The following PTPRC variants were observed in gnomAD, a reference collection of about 807,000 sequenced individuals.
PTPRC encodes protein tyrosine phosphatase receptor type C.
Under a neutral mutation model 155.9 loss-of-function variants are expected in PTPRC, and 44 were observed. The observed-to-expected ratio is 0.28, with a 90% CI of 0.22 to 0.36. PTPRC has a LOEUF of 0.36. PTPRC is among the 10% of genes least tolerant of loss of function. PTPRC has a pLI of 1.00. For missense variants in PTPRC, 1,401 were observed against 1,564.6 expected (o/e 0.90, Z 1.76); for synonymous variants, 525 against 533.1 (o/e 0.98, Z 0.21).
intron 26 of PTPRC, among the ~76,000 whole-genome samples, chr1:198,747,398 A>ACTT (rs1184471098): frequency 6.6e-6 from 1 of 151,796 alleles, no homozygotes; most frequent in Non-Finnish European, 1.5e-5. Context: ...ATCAATAAAG[A>ACTT]CTTTTTATGC....
chr1:198,701,738 T>C (rs143565562), intron 5 of PTPRC, among the ~76,000 whole-genome samples: 2 of 152,316 alleles, frequency 1.3e-5, no homozygotes, highest in East Asian at 3.9e-4. Context: ...ATGTGGAGTT[T>C]GTTGGATTTC....
chr1:198,696,620 G>C (rs565274814), intron 3 of PTPRC, 92 bp from the exon 4 acceptor site: 1 of 1,015,112 alleles, frequency 9.9e-7, no homozygotes, highest in African/African-American at 1.6e-5. Flanking sequence ...CACTATAGTG[G>C]ACTGGGGAGT....
At position 198,735,267 on chromosome 1, in the gene PTPRC, T is replaced by C. The variant is rs980572524; in HGVS notation, c.2403+15T>C. 8.8e-6 allele frequency: 14 copies of C among 1,587,218 alleles called. No individual in the cohort carries two copies. Among genetic ancestry groups the C allele is most frequent in the Non-Finnish European group, 1.2e-5 (14 of 1,162,988 alleles). Reference sequence around the variant, plus strand: ...ACATTGTAAATGTGAGTTTGCTTTTTACATAATTTTTGTTTTGATACTTTT... The same window carrying C: ...ACATTGTAAATGTGAGTTTGCTTTTCACATAATTTTTGTTTTGATACTTTT... On this transcript the variant is annotated intron_variant, in intron 23 of 32. Transcript: ENST00000442510.
At chr1:198,699,259 G>A (rs1666349421) in intron 4 of PTPRC, among the ~76,000 whole-genome samples, 6 of 152,122 alleles carry the variant, frequency 3.9e-5, no homozygotes, top group African/African-American at 1.4e-4. Flanking sequence ...CTGTCAGTTT[G>A]TAGAGTTGAT....
intron 15 of PTPRC, among the ~76,000 whole-genome samples, chr1:198,723,078 C>A (rs955054099): frequency 6.7e-6 from 1 of 149,968 alleles, no homozygotes; most frequent in Non-Finnish European, 1.5e-5. Context: ...CACTTTTAAC[C>A]ATTTCTATTT....
chr1:198,694,650 A>T, intron 3 of PTPRC: 1 of 984,018 alleles, frequency 1.0e-6, no homozygotes, highest in Non-Finnish European at 1.2e-6. Flanking sequence ...CAAATTAATA[A>T]TTATCAAGTC....
rs768913853 is a variant in PTPRC at position 198,750,586 on chromosome 1, A to C, written c.3167A>C (p.Lys1056Thr). The C allele has an allele frequency of 6.2e-7, 1 of 1,612,792 alleles. No individual in the cohort carries two copies. Among genetic ancestry groups the C allele is most frequent in the Non-Finnish European group, 8.5e-7 (1 of 1,179,148 alleles). The change falls in exon 29 of 33, where the codon AAA becomes ACA. Residue 1056 changes from lysine (K) to threonine (T), a missense_variant. Physicochemically the swap from Lys to Thr is moderately conservative, Grantham distance 78. Transcript: ENST00000442510. ...CAGATGATCTTCCAAAGAAAAGTCA[A>C]AGTTATTGTTATGCTGACAGAACTG... Reference protein sequence around the residue: ...FWQMIFQRKVKVIVMLTELKH... With the variant: ...FWQMIFQRKVTVIVMLTELKH...
At chr1:198,699,434 C>T (rs1666356279) in intron 4 of PTPRC, 130 bp from the exon 5 acceptor site, 4 of 1,122,120 alleles carry the variant, frequency 3.6e-6, no homozygotes, top group East Asian at 2.4e-5. Context: ...CTGACAGACA[C>T]ATTTTAACAG....
Position 198,757,441 on chromosome 1 carries a change from A to AT in PTPRC, c.*1265dup, listed in dbSNP as rs1279947669. On this transcript the variant is annotated 3_prime_UTR_variant, in exon 33 of 33. Transcript: ENST00000442510. ...GAAAAAAAAAATCAAGAATAGTGGT[A>AT]TTTTTCATGAAGTAATAAAAACTCG... The AT allele has an allele frequency of 6.6e-6, 1 of 151,688 alleles. No individual in the cohort carries two copies. Among genetic ancestry groups the AT allele is most frequent in the African/African-American group, 2.4e-5 (1 of 41,402 alleles). The allele number at this position is 151,688 out of a possible 1,614,324, so 9.4% of individuals were successfully genotyped here.
chr1:198,669,894 C>T (rs1040724757), intron 2 of PTPRC, among the ~76,000 whole-genome samples: 3 of 152,140 alleles, frequency 2.0e-5, no homozygotes, highest in African/African-American at 7.2e-5. Flanking sequence ...ATGAAAATCA[C>T]ATTTGTGAAA....
In PTPRC at chr1:198,692,372, TG is replaced by T. The variant is rs1665977328; in HGVS notation, c.100+1del. The T allele has an allele frequency of 2.0e-6, 3 of 1,479,724 alleles. No homozygotes were observed. In the South Asian group the frequency reaches 4.3e-5, roughly 21 times the overall value. The allele number at this position is 1,479,724 out of a possible 1,614,324, so 91.7% of individuals were successfully genotyped here. On this transcript the variant is annotated frameshift_variant and splice_region_variant, in exon 3 of 33. Coordinates refer to ENST00000442510, the MANE Select transcript of PTPRC (RefSeq NM_002838.5). LOFTEE classifies it high-confidence loss of function. ...TGQSPTPSPT[G>X]LTTAKMPSVP... ...GGCAAAGCCCAACACCTTCCCCCAC[TG>T]GTAAGAATTAATATTTATATTTTTA...
chr1:198,685,716 TGA>T (rs1317744850), intron 2 of PTPRC, among the ~76,000 whole-genome samples: 2 of 152,100 alleles, frequency 1.3e-5, no homozygotes, highest in Non-Finnish European at 2.9e-5. Flanking sequence ...CTGTTTTAGC[TGA>T]CCCTTATTTT....
intron 2 of PTPRC, among the ~76,000 whole-genome samples, chr1:198,666,090 A>G (rs185397032): frequency 6.6e-6 from 1 of 152,126 alleles, no homozygotes; most frequent in Non-Finnish European, 1.5e-5. Context: ...AAATACAAAA[A>G]TTAGCTGGGT....
chr1:198,706,996 A>G (rs1198209979), intron 9 of PTPRC, 44 bp downstream of exon 9: 1 of 1,483,618 alleles, frequency 6.7e-7, no homozygotes, highest in Admixed American at 1.7e-5. Flanking sequence ...TAAAAACAGT[A>G]CACTTTTGTG....
intron 2 of PTPRC, among the ~76,000 whole-genome samples, chr1:198,664,528 C>A (rs1664167162): frequency 6.6e-6 from 1 of 152,140 alleles, no homozygotes. Flanking sequence ...TTTTAAAATT[C>A]TTTCTCAACT....
intron 2 of PTPRC, among the ~76,000 whole-genome samples, chr1:198,643,126 C>T (rs1662729777): frequency 6.6e-6 from 1 of 151,628 alleles, no homozygotes; most frequent in Admixed American, 6.6e-5. Context: ...AAAATATTTC[C>T]ATTGAATTGC....
rs532389140 is a variant in PTPRC at position 198,642,580 on chromosome 1, A to G, written c.73+3239A>G. On this transcript the variant is annotated intron_variant, in intron 2 of 32. Coordinates refer to ENST00000442510, the MANE Select transcript of PTPRC (RefSeq NM_002838.5). The stretch of plus-strand genomic sequence containing the variant: ...ACCTTTCCTAAATCCAGACATTAAC[A>G]TGCTCCCCAAGTCCTGAAATTTTGC... Among the ~76,000 whole-genome samples, 9 of 152,010 alleles carry G rather than the reference A, an allele frequency of 5.9e-5. No individual in the cohort carries two copies. In the South Asian group the frequency reaches 1.7e-3, roughly 28 times the overall value.
At chr1:198,697,765 C>A (rs920114972) in intron 4 of PTPRC, among the ~76,000 whole-genome samples, 1 of 152,106 alleles carries the variant, frequency 6.6e-6, no homozygotes, top group East Asian at 1.9e-4. Flanking sequence ...CATTTATCTT[C>A]GTTTGAAAAA....
intron 4 of PTPRC, among the ~76,000 whole-genome samples, chr1:198,697,610 C>T (rs556904459): frequency 6.6e-6 from 1 of 152,262 alleles, no homozygotes; most frequent in South Asian, 2.1e-4. Context: ...ATAGGTCTGC[C>T]AGTGTATTCA....
Sources: gnomAD v4.1 joint callset for allele counts (sites outside exome capture counted in the v4.1 genomes callset) on GRCh38, gnomAD v4.1.1 for gene constraint, MANE v1.5 for transcripts, NCBI Gene and HGNC (gene_info 2026-07-23, HGNC 2026-07-21) for gene names.